Variants in ARHGAP8 observed in about 807,000 individuals in gnomAD.
The protein encoded by ARHGAP8 is rho GTPase-activating protein 8.
A neutral mutation model predicts 46.1 loss-of-function variants in ARHGAP8; 62 were observed. The ratio of observed to expected loss-of-function variants is 1.34; its 90% CI spans 1.10 to 1.66. The LOEUF (loss-of-function observed/expected upper bound fraction) is 1.66. Among genes scored for constraint, ARHGAP8 ranks in the 40% most tolerant of loss-of-function variants. ARHGAP8 has a pLI of 0.00. For missense variants in ARHGAP8, 923 were observed against 568.4 expected (o/e 1.62, Z -6.34); for synonymous variants, 375 against 243.1 (o/e 1.54, Z -5.05).
chr22:44,857,701 C>A (rs141405992), intron 10 of ARHGAP8, among the ~76,000 whole-genome samples: 1 of 152,126 alleles, frequency 6.6e-6, no homozygotes, highest in Non-Finnish European at 1.5e-5. Context: ...GATCTCATGG[C>A]CTGCTCCAGA....
chr22:44,803,432 C>T (rs1364379037), intron 3 of ARHGAP8, among the ~76,000 whole-genome samples: 1 of 152,062 alleles, frequency 6.6e-6, no homozygotes, highest in African/African-American at 2.4e-5. Context: ...GGCCCAGGGG[C>T]CCTCATAGCC....
At chr22:44,826,051 C>A (rs528455145) in intron 7 of ARHGAP8, among the ~76,000 whole-genome samples, 46 of 152,200 alleles carry the variant, frequency 3.0e-4, no homozygotes, top group African/African-American at 1.1e-3. Context: ...CCTCCGGGTA[C>A]ACAGACACTT....
intron 2 of ARHGAP8, among the ~76,000 whole-genome samples, chr22:44,795,418 A>G (rs560530515): frequency 2.0e-5 from 3 of 152,114 alleles, no homozygotes; most frequent in South Asian, 4.2e-4. Context: ...ACTGAGTCCA[A>G]GTTTCTCAGG....
intron 1 of ARHGAP8, among the ~76,000 whole-genome samples, chr22:44,769,770 G>T (rs1925860143): frequency 6.6e-6 from 1 of 152,176 alleles, no homozygotes; most frequent in African/African-American, 2.4e-5. Context: ...AATTCATTGA[G>T]ACCGCAGGAT....
chr22:44,837,296 G>A (rs542381284), intron 7 of ARHGAP8, among the ~76,000 whole-genome samples: 2 of 152,334 alleles, frequency 1.3e-5, no homozygotes, highest in African/African-American at 4.8e-5. Flanking sequence ...GAGGGGAGGG[G>A]TACAAGCAAG....
intron 10 of ARHGAP8, among the ~76,000 whole-genome samples, chr22:44,858,614 G>A (rs1222777595): frequency 1.1e-4 from 15 of 139,560 alleles, no homozygotes; most frequent in African/African-American, 3.2e-4. Context: ...CAAGTGATGT[G>A]CCTGCCTCGG....
intron 11 of ARHGAP8, among the ~76,000 whole-genome samples, chr22:44,860,637 C>G (rs910556772): frequency 3.8e-5 from 3 of 79,752 alleles, no homozygotes; most frequent in African/African-American, 5.4e-5. Flanking sequence ...ATTCAATCTA[C>G]TACACACCAG....
intron 8 of ARHGAP8, among the ~76,000 whole-genome samples, chr22:44,846,014 C>T (rs1172468664): frequency 2.0e-5 from 3 of 151,926 alleles, no homozygotes; most frequent in Non-Finnish European, 2.9e-5. Context: ...AGTGAGTGCC[C>T]CCCCCCATCC....
chr22:44,791,208 C>T (rs1245826642), intron 2 of ARHGAP8, among the ~76,000 whole-genome samples: 3 of 152,124 alleles, frequency 2.0e-5, no homozygotes, highest in African/African-American at 7.2e-5. Flanking sequence ...TCAGTGCAGT[C>T]TACTGTGGTC....
At chr22:44,779,400 C>T (rs933938043) in intron 1 of ARHGAP8, among the ~76,000 whole-genome samples, 11 of 151,768 alleles carry the variant, frequency 7.2e-5, no homozygotes, top group African/African-American at 2.2e-4. Context: ...TGCGCCCGGC[C>T]GGTGTCTGAC....
chr22:44,809,211 A>G (rs1444082192), intron 4 of ARHGAP8: 1 of 469,512 alleles, frequency 2.1e-6, no homozygotes, highest in Admixed American at 2.3e-5. Flanking sequence ...ACTGTGTTCC[A>G]GTAAAACATT....
chr22:44,785,636 G>A (rs1927162407), intron 1 of ARHGAP8, among the ~76,000 whole-genome samples: 1 of 152,044 alleles, frequency 6.6e-6, no homozygotes, highest in South Asian at 2.1e-4. Context: ...GGGTGGGGAG[G>A]GGATAGTCTT....
intron 3 of ARHGAP8, among the ~76,000 whole-genome samples, chr22:44,804,112 T>C (rs1028645420): frequency 6.6e-6 from 1 of 151,422 alleles, no homozygotes; most frequent in Non-Finnish European, 1.5e-5. Context: ...CAAAGCCACA[T>C]GGGCCTCGCA....
At chr22:44,859,548 C>G (rs550621215) in intron 10 of ARHGAP8, 183 bp from the exon 11 acceptor site, 15 of 624,850 alleles carry the variant, frequency 2.4e-5, no homozygotes, top group African/African-American at 3.7e-5. Flanking sequence ...CAAGAATAGC[C>G]AAACACACAG....
intron 1 of ARHGAP8, among the ~76,000 whole-genome samples, chr22:44,772,431 C>G (rs1287892020): frequency 4.7e-5 from 7 of 148,314 alleles, no homozygotes; most frequent in Non-Finnish European, 1.0e-4. Flanking sequence ...CTCAAGTGAT[C>G]CGCCCGCCTT....
At chr22:44,847,408 G>A (rs1023941770) in intron 8 of ARHGAP8, among the ~76,000 whole-genome samples, 1 of 152,236 alleles carries the variant, frequency 6.6e-6, no homozygotes, top group African/African-American at 2.4e-5. Context: ...GCAGCCACCA[G>A]CCCCTGTGGC....
Position 44,859,780 on chromosome 22 carries a change from C to G in ARHGAP8, c.927C>G (p.Ser309Arg), listed in dbSNP as rs770694026. 6.2e-7 allele frequency: 1 copy of G among 1,614,120 alleles called. No individual in the cohort carries two copies. The highest frequency in any genetic ancestry group is 8.5e-7 in the Non-Finnish European group (1 of 1,180,040). Residue 309 changes from serine (S) to arginine (R), a missense_variant, in exon 11 of 12, where the codon AGC becomes AGG. Coordinates refer to ENST00000356099, the MANE Select transcript of ARHGAP8 (RefSeq NM_181335.3). The part of the protein sequence containing the change: ...RVTGCRQILR[S>R]LPEHNYVVLR... ...CTGGCTGCCGCCAGATCTTACGGAG[C>G]CTCCCAGAGCACAACTACGTCGTCC... is the stretch of plus-strand genomic sequence containing the variant.
chr22:44,825,642 G>A (rs1254732770), intron 7 of ARHGAP8, 49 bp downstream of exon 7: 3 of 1,559,612 alleles, frequency 1.9e-6, no homozygotes, highest in African/African-American at 2.7e-5. Flanking sequence ...AGCCCTGGGA[G>A]CTGTGGGGCG....
intron 1 of ARHGAP8, among the ~76,000 whole-genome samples, chr22:44,756,129 C>T (rs1162777253): frequency 6.6e-6 from 1 of 152,124 alleles, no homozygotes; most frequent in Non-Finnish European, 1.5e-5. Context: ...GTGGCCTGGA[C>T]TTTGCAGGGG....
Sources: gnomAD v4.1 joint callset for allele counts (sites outside exome capture counted in the v4.1 genomes callset) on GRCh38, gnomAD v4.1.1 for gene constraint, MANE v1.5 for transcripts, NCBI Gene and HGNC (gene_info 2026-07-23, HGNC 2026-07-21) for gene names.